The following FTO variants were observed in gnomAD, a reference collection of about 807,000 sequenced individuals.
FTO encodes the protein FTO alpha-ketoglutarate dependent dioxygenase, also known as alpha-ketoglutarate-dependent dioxygenase FTO.
FTO carries 47 observed loss-of-function variants against 63.9 expected under a neutral mutation model. The observed-to-expected ratio is 0.74, with a 90% CI of 0.58 to 0.94. The LOEUF (loss-of-function observed/expected upper bound fraction) is 0.94, where lower values mean the gene tolerates loss of function less well. Ranked by LOEUF, FTO falls within the 40% of genes least tolerant of loss-of-function variation. FTO has a pLI of 0.00. For missense variants in FTO, 562 were observed against 618.1 expected (o/e 0.91, Z 0.96); for synonymous variants, 207 against 224.4 (o/e 0.92, Z 0.69).
At chr16:53,813,205 G>C (rs2078582982) in intron 2 of FTO, among the ~76,000 whole-genome samples, 1 of 148,634 alleles carries the variant, frequency 6.7e-6, no homozygotes, top group Admixed American at 6.7e-5. Flanking sequence ...GCACCTTGCT[G>C]TTTTTCTTTT....
At chr16:54,079,535 A>G (rs2086088215) in intron 8 of FTO, among the ~76,000 whole-genome samples, 2 of 152,230 alleles carry the variant, frequency 1.3e-5, no homozygotes, top group Non-Finnish European at 2.9e-5. Context: ...TGGGAAACGC[A>G]TGAGACTATG....
At chr16:54,009,171 A>G (rs1363282281) in intron 8 of FTO, among the ~76,000 whole-genome samples, 1 of 152,180 alleles carries the variant, frequency 6.6e-6, no homozygotes, top group Non-Finnish European at 1.5e-5. Flanking sequence ...AGCAAATGCC[A>G]TGGAATGCAA....
intron 1 of FTO, among the ~76,000 whole-genome samples, chr16:53,740,280 G>A (rs1344376072): frequency 2.0e-5 from 3 of 152,092 alleles, no homozygotes; most frequent in East Asian, 3.9e-4. Context: ...GGTGTAGAGT[G>A]TATTTTTTTT....
chr16:53,975,997 A>C (rs1365814133), intron 8 of FTO, among the ~76,000 whole-genome samples: 8 of 152,174 alleles, frequency 5.3e-5, no homozygotes, highest in African/African-American at 1.9e-4. Context: ...GCTGATCATC[A>C]GGACTCTGTG....
chr16:54,007,537 G>A (rs1324500702), intron 8 of FTO, among the ~76,000 whole-genome samples: 2 of 152,232 alleles, frequency 1.3e-5, no homozygotes, highest in Admixed American at 6.5e-5. Context: ...ATAAAGGTAT[G>A]TAAAATTATT....
chr16:53,963,276 G>A (rs1304652784), intron 8 of FTO, among the ~76,000 whole-genome samples: 1 of 152,048 alleles, frequency 6.6e-6, no homozygotes, highest in Non-Finnish European at 1.5e-5. Flanking sequence ...AAGCAGGAGT[G>A]GTAAGCTCTT....
chr16:53,731,995 G>A (rs970911590), intron 1 of FTO, among the ~76,000 whole-genome samples: 3 of 150,718 alleles, frequency 2.0e-5, no homozygotes, highest in African/African-American at 7.3e-5. Flanking sequence ...CAAAGTGCTG[G>A]GATTACAGGC....
chr16:53,999,173 C>T (rs7193917), intron 8 of FTO, among the ~76,000 whole-genome samples: 80,184 of 151,998 alleles, frequency 0.53, 23,341 homozygotes, highest in African/African-American at 0.78. Context: ...ACTGAAGAAG[C>T]CATGCAATAA....
At chr16:54,106,921 A>G (rs1408120800) in intron 8 of FTO, among the ~76,000 whole-genome samples, 1 of 142,402 alleles carries the variant, frequency 7.0e-6, no homozygotes. Flanking sequence ...TATATAATAT[A>G]TTAAAAGTAT....
At chr16:53,920,386 T>A (rs2081980849) in intron 7 of FTO, among the ~76,000 whole-genome samples, 1 of 152,208 alleles carries the variant, frequency 6.6e-6, no homozygotes, top group Non-Finnish European at 1.5e-5. Flanking sequence ...ACCTCCTGAA[T>A]CACCAAAAAT....
At chr16:53,980,308 T>C (rs2083514055) in intron 8 of FTO, among the ~76,000 whole-genome samples, 1 of 152,132 alleles carries the variant, frequency 6.6e-6, no homozygotes, top group South Asian at 2.1e-4. Flanking sequence ...GCTGATGAGA[T>C]TGTTTGACAG....
intron 2 of FTO, among the ~76,000 whole-genome samples, chr16:53,815,864 G>A (rs1366557910): frequency 6.8e-6 from 1 of 146,618 alleles, no homozygotes; most frequent in Admixed American, 6.7e-5. Context: ...GGCCAGGCTG[G>A]TCTCAAACTC....
intron 7 of FTO, among the ~76,000 whole-genome samples, chr16:53,921,225 C>T (rs964620728): frequency 6.6e-6 from 1 of 152,186 alleles, no homozygotes; most frequent in African/African-American, 2.4e-5. Flanking sequence ...TTTCCCGTCC[C>T]CTTTCAAAGG....
chr16:53,914,393 A>G (rs1284007599), intron 7 of FTO, among the ~76,000 whole-genome samples: 1 of 152,070 alleles, frequency 6.6e-6, no homozygotes, highest in Non-Finnish European at 1.5e-5. Flanking sequence ...TTAACAGAAT[A>G]GAAACTTTTC....
chr16:54,088,693 C>A (rs2144544099), intron 8 of FTO, among the ~76,000 whole-genome samples: 1 of 152,164 alleles, frequency 6.6e-6, no homozygotes, highest in South Asian at 2.1e-4. Context: ...CAGAAATGCC[C>A]AAGGAAAGGT....
At chr16:53,950,176 A>AAAAAAAAAAAAAAAAC (rs2082754499) in intron 8 of FTO, among the ~76,000 whole-genome samples, 1 of 147,634 alleles carries the variant, frequency 6.8e-6, no homozygotes, top group Non-Finnish European at 1.5e-5. Flanking sequence ...AAAAAAAAAA[A>AAAAAAAAAAAAAAAAC]AAACTTAATC....
intron 7 of FTO, among the ~76,000 whole-genome samples, chr16:53,919,446 C>A (rs1304348872): frequency 6.6e-6 from 1 of 152,054 alleles, no homozygotes; most frequent in Non-Finnish European, 1.5e-5. Context: ...GTAGAACTAC[C>A]ATTTGATCCA....
intron 6 of FTO, among the ~76,000 whole-genome samples, chr16:53,881,159 A>G (rs2080822601): frequency 1.3e-5 from 2 of 151,360 alleles, no homozygotes; most frequent in South Asian, 4.2e-4. Flanking sequence ...ATAAAAATAA[A>G]ATAAAAAAGA....
At chr16:53,926,392 A>G (rs1263191711) in intron 7 of FTO, among the ~76,000 whole-genome samples, 1 of 152,218 alleles carries the variant, frequency 6.6e-6, no homozygotes, top group African/African-American at 2.4e-5. Context: ...TCAGCATGTC[A>G]TTTGGCTTCA....
Sources: allele counts gnomAD v4.1 joint callset (sites outside exome capture counted in the v4.1 genomes callset), GRCh38; gene constraint gnomAD v4.1.1; transcripts MANE v1.5; gene names NCBI Gene and HGNC (gene_info 2026-07-23, HGNC 2026-07-21).